NHS: variants seen among roughly 807,000 people sequenced by gnomAD.
NHS encodes the protein actin remodeling regulator NHS.
In NHS, 5 loss-of-function variants were observed where a neutral mutation model predicts 72.5. That is an observed-to-expected ratio of 0.07 (90% CI 0.04 to 0.14). NHS has a LOEUF of 0.14. Ranked by LOEUF, NHS falls within the 10% of genes least tolerant of loss-of-function variation. The pLI is 1.00. For synonymous variants in NHS, 464 were observed against 547.7 expected, an observed-to-expected ratio of 0.85 and a Z score of 2.13; for missense variants, 1,072 against 1,355.7, an observed-to-expected ratio of 0.79 and a Z score of 3.29.
intron 1 of NHS, among the ~76,000 whole-genome samples, chrX:17,382,122 T>A (rs1258983159): frequency 8.9e-6 from 1 of 112,345 alleles, no homozygotes; most frequent in Non-Finnish European, 1.9e-5. Context: ...CTCTCTTTTT[T>A]AACTTTTATT....
chrX:17,550,195 C>T (rs772144484), intron 1 of NHS, among the ~76,000 whole-genome samples: 2 of 112,229 alleles, frequency 1.8e-5, no homozygotes, highest in East Asian at 2.8e-4. Flanking sequence ...AAGGAATTCA[C>T]GTCACAGGGC....
At chrX:17,588,767 G>A (rs2065588173) in intron 1 of NHS, among the ~76,000 whole-genome samples, 1 of 111,666 alleles carries the variant, frequency 9.0e-6, no homozygotes, top group Non-Finnish European at 1.9e-5. Flanking sequence ...CTTCAGAGTA[G>A]AAGTTACATA....
intron 3 of NHS, among the ~76,000 whole-genome samples, chrX:17,706,417 A>C (rs145537541): frequency 0.016 from 1,799 of 110,996 alleles, 42 homozygotes; most frequent in African/African-American, 0.056. Flanking sequence ...TTAGGAAAAG[A>C]TGGGTAATGA....
At chrX:17,554,774 T>G (rs1027973665) in intron 1 of NHS, among the ~76,000 whole-genome samples, 1 of 112,127 alleles carries the variant, frequency 8.9e-6, no homozygotes, top group Admixed American at 9.4e-5. Flanking sequence ...TCTCCAAGAG[T>G]GTGAAGCCCA....
intron 1 of NHS, among the ~76,000 whole-genome samples, chrX:17,625,015 T>A (rs1380069020): frequency 8.9e-6 from 1 of 112,380 alleles, no homozygotes; most frequent in Non-Finnish European, 1.9e-5. Flanking sequence ...AAATTAAAAC[T>A]GAGAAATAAA....
intron 1 of NHS, among the ~76,000 whole-genome samples, chrX:17,669,247 G>A (rs2066030354): frequency 8.9e-6 from 1 of 112,138 alleles, no homozygotes; most frequent in Non-Finnish European, 1.9e-5. Flanking sequence ...GCCTCAGACG[G>A]AGATAGTGGG....
chrX:17,669,759 C>T (rs776879607), intron 1 of NHS, among the ~76,000 whole-genome samples: 1 of 111,546 alleles, frequency 9.0e-6, no homozygotes. Flanking sequence ...GGAGTCCTCA[C>T]TAAAAATGGA....
At chrX:17,480,132 A>G (rs181318485) in intron 1 of NHS, among the ~76,000 whole-genome samples, 69 of 111,848 alleles carry the variant, frequency 6.2e-4, no homozygotes, top group African/African-American at 1.8e-3. Flanking sequence ...ATAAGAGAGG[A>G]CACAAACAAA....
intron 1 of NHS, among the ~76,000 whole-genome samples, chrX:17,676,569 G>A (rs1195408600): frequency 2.7e-5 from 3 of 112,726 alleles, no homozygotes; most frequent in Non-Finnish European, 5.6e-5. Flanking sequence ...TCTCCTGAAA[G>A]AGCAAATTCC....
intron 1 of NHS, among the ~76,000 whole-genome samples, chrX:17,525,638 C>CTTTT (rs1162709869): frequency 1.2e-3 from 63 of 52,995 alleles, no homozygotes; most frequent in East Asian, 3.1e-3. Context: ...TCTTTCTTTT[C>CTTTT]TTTTTTTTTT....
rs1470616760 is a variant in NHS, at chrX:17,375,226, C to T, written c.-532C>T. ...GAGCGCCTTTCCGAAACCTCCTCCCCGCCCAGCCAGGGAGAGAGATCCCGG... is the reference window on the plus strand; with the variant it reads ...GAGCGCCTTTCCGAAACCTCCTCCCTGCCCAGCCAGGGAGAGAGATCCCGG... On this transcript the variant is annotated 5_prime_UTR_variant, in exon 1 of 9. Coordinates refer to ENST00000676302, the MANE Select transcript of NHS (RefSeq NM_001291867.2). 8.9e-6 allele frequency among the ~76,000 whole-genome samples: 1 copy of T among 112,141 alleles called. No homozygotes were observed. The highest frequency in any genetic ancestry group is 3.6e-4 in the South Asian group (1 of 2,745).
chrX:17,678,136 A>G (rs938699581), intron 1 of NHS, among the ~76,000 whole-genome samples: 2 of 111,775 alleles, frequency 1.8e-5, no homozygotes, highest in South Asian at 3.8e-4. Flanking sequence ...TAGAGTATAT[A>G]TGCTATATCT....
At chrX:17,603,955 A>G (rs1476473000) in intron 1 of NHS, among the ~76,000 whole-genome samples, 1 of 111,331 alleles carries the variant, frequency 9.0e-6, no homozygotes, top group Non-Finnish European at 1.9e-5. Flanking sequence ...ATGACCTCTT[A>G]TCTTTACCCC....
chrX:17,513,991 C>G lies in NHS; in HGVS notation c.565+137669C>G, dbSNP rs767173657. ...AATCATGGCAGAAGGCAAGGAGGAG[C>G]AAGTCATGTCTTACATCAGTGGTGA... On this transcript the variant is annotated intron_variant, in intron 1 of 8. Transcript: ENST00000676302. Among the ~76,000 whole-genome samples, 5 of 111,992 alleles carry G rather than the reference C, an allele frequency of 4.5e-5. No individual in the cohort carries two copies. In the South Asian group the frequency reaches 1.9e-3, roughly 42 times the overall value.
At chrX:17,521,214 G>A (rs1271664630) in intron 1 of NHS, among the ~76,000 whole-genome samples, 1 of 111,440 alleles carries the variant, frequency 9.0e-6, no homozygotes, top group East Asian at 2.8e-4. Flanking sequence ...TAGTTGGAGG[G>A]ATGGCAGGGG....
intron 1 of NHS, among the ~76,000 whole-genome samples, chrX:17,535,341 T>C (rs762916710): frequency 9.0e-6 from 1 of 111,513 alleles, no homozygotes; most frequent in Admixed American, 9.5e-5. Context: ...CTAGAATCTC[T>C]GTGCCTACTA....
Position 17,735,861 on chromosome X carries a change from TAA to T in NHS, c.*3398_*3399del, listed in dbSNP as rs763513265. 1.4e-4 allele frequency: 16 copies of T among 112,924 alleles called. No individual in the cohort carries two copies. The highest frequency in any genetic ancestry group is 1.1e-3 in the East Asian group (4 of 3,617). 9.3% of individuals were successfully genotyped at this position (112,924 alleles called of 1,213,427 possible). On this transcript the variant is annotated 3_prime_UTR_variant, in exon 9 of 9. Coordinates refer to ENST00000676302, the MANE Select transcript of NHS (RefSeq NM_001291867.2). ...TATATTTTAGAGCTGTGCAACACTTTAAGTCTTGTATTTATTTTTAGTAAAAA... is the reference window on the plus strand; with the variant it reads ...TATATTTTAGAGCTGTGCAACACTTTGTCTTGTATTTATTTTTAGTAAAAA...
chrX:17,722,226 A>T (rs2066410796), intron 5 of NHS, among the ~76,000 whole-genome samples: 1 of 112,013 alleles, frequency 8.9e-6, no homozygotes, highest in Admixed American at 9.5e-5. Context: ...ATTAGTCTAG[A>T]TAGAATGGAA....
intron 1 of NHS, among the ~76,000 whole-genome samples, chrX:17,655,117 T>C (rs2065946590): frequency 8.9e-6 from 1 of 112,085 alleles, no homozygotes; most frequent in Non-Finnish European, 1.9e-5. Context: ...TTTCGGGTGC[T>C]CTAGTCCTGT....
Sources: gnomAD v4.1 joint callset for allele counts (sites outside exome capture counted in the v4.1 genomes callset) on GRCh38, gnomAD v4.1.1 for gene constraint, MANE v1.5 for transcripts, NCBI Gene and HGNC (gene_info 2026-07-23, HGNC 2026-07-21) for gene names.